AGBL4: variants seen among roughly 807,000 people sequenced by gnomAD.
AGBL4 encodes cytosolic carboxypeptidase 6.
AGBL4 carries 58 observed loss-of-function variants against 66.4 expected under a neutral mutation model. That is an observed-to-expected ratio of 0.87 (90% CI 0.71 to 1.09). The LOEUF (loss-of-function observed/expected upper bound fraction) is 1.09, where lower values mean the gene tolerates loss of function less well. Among genes scored for constraint, AGBL4 ranks in the 50% least tolerant of loss-of-function variants. The probability of loss-of-function intolerance (pLI) is 0.00; values close to 1 mark genes in which losing one functional copy is unlikely to be tolerated. For missense variants in AGBL4, 579 were observed against 631.0 expected (o/e 0.92, Z 0.88); for synonymous variants, 234 against 222.9 (o/e 1.05, Z -0.44).
intron 4 of AGBL4, among the ~76,000 whole-genome samples, chr1:49,171,918 A>T (rs1646745718): frequency 6.6e-6 from 1 of 152,320 alleles, no homozygotes; most frequent in East Asian, 1.9e-4. Context: ...CCTTATACCA[A>T]TCCCTATTAT....
chr1:48,540,498 C>G (rs1229270321), intron 11 of AGBL4, among the ~76,000 whole-genome samples: 1 of 152,080 alleles, frequency 6.6e-6, no homozygotes, highest in Non-Finnish European at 1.5e-5. Context: ...TTCTCCTTGG[C>G]TAATTCATGC....
chr1:48,934,350 GACC>G (rs1655279479), intron 5 of AGBL4, among the ~76,000 whole-genome samples: 1 of 152,088 alleles, frequency 6.6e-6, no homozygotes, highest in Non-Finnish European at 1.5e-5. Flanking sequence ...AAGGCAGGGT[GACC>G]ACATGTCTCA....
chr1:49,578,797 G>C (rs1281305214), intron 3 of AGBL4, among the ~76,000 whole-genome samples: 1 of 152,164 alleles, frequency 6.6e-6, no homozygotes, highest in Admixed American at 6.5e-5. Flanking sequence ...GCTCTCAGTA[G>C]AGCGTATGGG....
At chr1:48,732,343 T>C (rs956969017) in intron 6 of AGBL4, among the ~76,000 whole-genome samples, 4 of 152,166 alleles carry the variant, frequency 2.6e-5, no homozygotes, top group Admixed American at 2.6e-4. Flanking sequence ...GTGAATTGAG[T>C]CAAATACAGA....
At chr1:48,602,621 A>G (rs1373935783) in intron 9 of AGBL4, among the ~76,000 whole-genome samples, 1 of 152,160 alleles carries the variant, frequency 6.6e-6, no homozygotes, top group Non-Finnish European at 1.5e-5. Flanking sequence ...TTTTCAAAGA[A>G]GTGTTCGAGG....
chr1:49,281,750 G>C (rs1230375568), intron 3 of AGBL4, among the ~76,000 whole-genome samples: 1 of 152,188 alleles, frequency 6.6e-6, no homozygotes, highest in Non-Finnish European at 1.5e-5. Flanking sequence ...AATCTTAAAA[G>C]GACAGGATTC....
chr1:49,792,529 G>T (rs1644626525), intron 2 of AGBL4, among the ~76,000 whole-genome samples: 2 of 152,178 alleles, frequency 1.3e-5, no homozygotes, highest in South Asian at 4.1e-4. Context: ...ATCATTTTGT[G>T]ATTATGGAAA....
chr1:49,325,859 C>T (rs1028898391), intron 3 of AGBL4, among the ~76,000 whole-genome samples: 1 of 152,146 alleles, frequency 6.6e-6, no homozygotes, highest in Non-Finnish European at 1.5e-5. Context: ...CATTTAAAAG[C>T]ATGTAGGACG....
At chr1:49,617,170 C>G (rs896484956) in intron 3 of AGBL4, among the ~76,000 whole-genome samples, 1 of 152,174 alleles carries the variant, frequency 6.6e-6, no homozygotes, top group Non-Finnish European at 1.5e-5. Context: ...CTCACTCACT[C>G]TGTTTCAGCT....
At chr1:49,347,220 A>G (rs1476979340) in intron 3 of AGBL4, among the ~76,000 whole-genome samples, 1 of 149,956 alleles carries the variant, frequency 6.7e-6, no homozygotes, top group Non-Finnish European at 1.5e-5. Flanking sequence ...TACTATGTCT[A>G]TGAAGTAGCC....
intron 5 of AGBL4, among the ~76,000 whole-genome samples, chr1:49,008,417 C>T (rs1662049617): frequency 6.6e-6 from 1 of 151,194 alleles, no homozygotes; most frequent in Admixed American, 6.6e-5. Context: ...GACTCCCACA[C>T]ATTAATAATG....
At chr1:49,367,956 T>C (rs192626280) in intron 3 of AGBL4, among the ~76,000 whole-genome samples, 1 of 152,278 alleles carries the variant, frequency 6.6e-6, no homozygotes, top group East Asian at 1.9e-4. Flanking sequence ...CAACCACTAA[T>C]CTGCTTTCTG....
intron 9 of AGBL4, among the ~76,000 whole-genome samples, chr1:48,607,206 T>C (rs1210264003): frequency 2.0e-5 from 3 of 152,214 alleles, no homozygotes; most frequent in Non-Finnish European, 4.4e-5. Flanking sequence ...CTACTTAAAT[T>C]TAAATTAATT....
intron 5 of AGBL4, among the ~76,000 whole-genome samples, chr1:49,008,008 A>G (rs2149000583): frequency 6.6e-6 from 1 of 152,306 alleles, no homozygotes; most frequent in East Asian, 1.9e-4. Flanking sequence ...TCATGACAGG[A>G]TCAAATTAAC....
intron 3 of AGBL4, among the ~76,000 whole-genome samples, chr1:49,616,799 T>G (rs1219117259): frequency 6.6e-6 from 1 of 152,180 alleles, no homozygotes; most frequent in East Asian, 1.9e-4. Context: ...GATGCCATCC[T>G]TGACTCATTT....
chr1:49,031,632 T>A (rs967110471), intron 5 of AGBL4, among the ~76,000 whole-genome samples: 2 of 152,020 alleles, frequency 1.3e-5, no homozygotes, highest in African/African-American at 4.8e-5. Context: ...GATATATAGA[T>A]GGCCAATAAG....
chr1:49,228,022 A>G (rs997026637), intron 4 of AGBL4, among the ~76,000 whole-genome samples: 4 of 152,208 alleles, frequency 2.6e-5, no homozygotes, highest in Non-Finnish European at 5.9e-5. Flanking sequence ...TATCCATAGC[A>G]TCTTCTCATG....
chr1:49,880,917 G>A (rs1162664901), intron 1 of AGBL4, among the ~76,000 whole-genome samples: 17 of 152,078 alleles, frequency 1.1e-4, no homozygotes, highest in African/African-American at 3.6e-4. Flanking sequence ...GGAGTGACCC[G>A]ATTTTCCAGG....
intron 4 of AGBL4, among the ~76,000 whole-genome samples, chr1:49,106,772 A>G (rs1645300963): frequency 6.6e-6 from 1 of 152,154 alleles, no homozygotes; most frequent in South Asian, 2.1e-4. Context: ...TTGTTCCTCA[A>G]CTATCCTTTA....
Sources: gnomAD v4.1 joint callset for allele counts (sites outside exome capture counted in the v4.1 genomes callset) on GRCh38, gnomAD v4.1.1 for gene constraint, MANE v1.5 for transcripts, NCBI Gene and HGNC (gene_info 2026-07-23, HGNC 2026-07-21) for gene names.